DENND5A: variants seen among roughly 807,000 people sequenced by gnomAD.
DENND5A encodes the protein DENN domain containing 5A.
Under a neutral mutation model 140.3 loss-of-function variants are expected in DENND5A, and 64 were observed. The ratio of observed to expected loss-of-function variants is 0.46; its 90% CI spans 0.37 to 0.56. The LOEUF is 0.56. Among genes scored for constraint, DENND5A ranks in the 20% least tolerant of loss-of-function variants. The pLI is 0.00. For synonymous variants in DENND5A, 605 were observed against 607.7 expected (o/e 1.00, Z 0.07); for missense variants, 1,292 against 1,593.8 (o/e 0.81, Z 3.22).
At chr11:9,150,888 T>C in intron 13 of DENND5A, 124 bp from the exon 14 acceptor site, 1 of 489,892 alleles carries the variant, frequency 2.0e-6, no homozygotes, top group African/African-American at 2.0e-5. Flanking sequence ...ACACTTTAAT[T>C]GATTGTTTCA....
rs1410655270 is a variant in DENND5A at position 9,169,864 on chromosome 11, G to A, written c.2143C>T (p.Gln715Ter). The change falls in exon 10 of 23, where the codon CAG becomes TAG. Residue 715 changes from glutamine to a stop codon, truncating the protein, a stop_gained. Coordinates refer to ENST00000328194, the MANE Select transcript of DENND5A (RefSeq NM_015213.4). LOFTEE classifies it high-confidence loss of function. ...TTCTTAAGGTATCTTACCTCCCTCT[G>A]GTCATTATCTAAACGCAGGTGTTCT... ...HTEHLRLDND[Q>*]REKYIQEART... The A allele has an allele frequency of 1.2e-6, 2 of 1,603,628 alleles. No homozygotes were observed. Among genetic ancestry groups the A allele is most frequent in the Admixed American group, 3.3e-5 (2 of 59,972 alleles).
chr11:9,241,050 G>A (rs1377368593), intron 1 of DENND5A, among the ~76,000 whole-genome samples: 2 of 152,174 alleles, frequency 1.3e-5, no homozygotes, highest in Non-Finnish European at 2.9e-5. Flanking sequence ...TGTGTGTGAT[G>A]TTTGTGTATT....
intron 1 of DENND5A, among the ~76,000 whole-genome samples, chr11:9,245,805 TG>T (rs1851448338): frequency 6.6e-6 from 1 of 151,962 alleles, no homozygotes; most frequent in Non-Finnish European, 1.5e-5. Context: ...AGCTAATTTT[TG>T]TATTCTTAGT....
chr11:9,250,932 G>C (rs1030055092), intron 1 of DENND5A, among the ~76,000 whole-genome samples: 5 of 152,054 alleles, frequency 3.3e-5, no homozygotes. Context: ...TCAGGAGTTC[G>C]AGGCCAGCCC....
intron 1 of DENND5A, among the ~76,000 whole-genome samples, chr11:9,230,662 T>TC (rs770807712): frequency 6.6e-6 from 1 of 152,092 alleles, no homozygotes; most frequent in Non-Finnish European, 1.5e-5. Context: ...GGGCATCTTT[T>TC]CCATAAATCT....
At chr11:9,197,906 G>T (rs1849387201) in intron 4 of DENND5A, among the ~76,000 whole-genome samples, 2 of 152,102 alleles carry the variant, frequency 1.3e-5, no homozygotes, top group Non-Finnish European at 2.9e-5. Flanking sequence ...TACAGTAAAA[G>T]ACTACTTTAG....
At chr11:9,173,391 T>G (rs1369344198) in intron 8 of DENND5A, among the ~76,000 whole-genome samples, 1 of 152,224 alleles carries the variant, frequency 6.6e-6, no homozygotes, top group Non-Finnish European at 1.5e-5. Flanking sequence ...TCAAATCCCT[T>G]TAAAAGGTAA....
At chr11:9,163,027 T>A (rs932771477) in intron 11 of DENND5A, among the ~76,000 whole-genome samples, 1 of 152,200 alleles carries the variant, frequency 6.6e-6, no homozygotes, top group African/African-American at 2.4e-5. Context: ...TTCACTCGTT[T>A]ATATTTGTGA....
intron 11 of DENND5A, among the ~76,000 whole-genome samples, chr11:9,164,196 T>TA (rs1848106715): frequency 0.016 from 32 of 1,958 alleles, no homozygotes; most frequent in African/African-American, 0.059. Context: ...CACGCCTAAT[T>TA]TTTTTTTTTT....
At chr11:9,149,769 G>A (rs572420023) in intron 15 of DENND5A, among the ~76,000 whole-genome samples, 2 of 152,166 alleles carry the variant, frequency 1.3e-5, no homozygotes, top group Admixed American at 1.3e-4. Flanking sequence ...CAAAGGAAAC[G>A]CCTTATGTCC....
intron 3 of DENND5A, among the ~76,000 whole-genome samples, chr11:9,205,810 T>G (rs1019822003): frequency 6.6e-6 from 1 of 152,046 alleles, no homozygotes; most frequent in Non-Finnish European, 1.5e-5. Context: ...GGTGGGAGGA[T>G]CACTTGAGCT....
At chr11:9,196,862 T>C (rs1849347101) in intron 4 of DENND5A, among the ~76,000 whole-genome samples, 3 of 151,632 alleles carry the variant, frequency 2.0e-5, no homozygotes, top group Admixed American at 1.3e-4. Flanking sequence ...CTGTCCTCCT[T>C]GGCCTCTCAA....
At chr11:9,185,925 G>A in intron 5 of DENND5A, among the ~76,000 whole-genome samples, 1 of 151,876 alleles carries the variant, frequency 6.6e-6, no homozygotes. Context: ...GTATTTCTGT[G>A]TGTTGTCTCT....
At position 9,145,057 on chromosome 11, in the gene DENND5A, C is replaced by T. The variant is rs757209054; in HGVS notation, c.3060G>A (p.Leu1020=). The T allele has an allele frequency of 2.6e-5, 42 of 1,614,056 alleles. No homozygotes were observed. The South Asian group carries it at 4.4e-4, about 17-fold the overall frequency. ...TVQIGHDNSG[L]YAKWLVEYVM... ...CATACTCCACCAGCCATTTGGCATACAGCCCAGAGTTATCATGGCCAATCT... is the reference window on the plus strand; with the variant it reads ...CATACTCCACCAGCCATTTGGCATATAGCCCAGAGTTATCATGGCCAATCT... The change falls in exon 18 of 23, where the codon CTG becomes CTA. Residue 1020 remains leucine, a synonymous_variant. Transcript: ENST00000328194.
intron 1 of DENND5A, among the ~76,000 whole-genome samples, chr11:9,226,189 T>C (rs1850522388): frequency 6.6e-6 from 1 of 152,246 alleles, no homozygotes; most frequent in Non-Finnish European, 1.5e-5. Context: ...AGATTTTGAC[T>C]GGAACATGTC....
intron 21 of DENND5A, among the ~76,000 whole-genome samples, chr11:9,142,361 G>C (rs1455682252): frequency 6.6e-6 from 1 of 152,168 alleles, no homozygotes; most frequent in African/African-American, 2.4e-5. Flanking sequence ...AAATTCTGAG[G>C]ATGGTTTCTT....
Position 9,193,697 on chromosome 11 carries a change from C to T in DENND5A, c.950-16G>A. The T allele has an allele frequency of 1.3e-6, 2 of 1,584,952 alleles. No homozygotes were observed. The highest frequency in any genetic ancestry group is 1.7e-6 in the Non-Finnish European group (2 of 1,167,858). On this transcript the variant is annotated splice_polypyrimidine_tract_variant and intron_variant, in intron 4 of 22. Transcript: ENST00000328194. ...CTCTGGTAATCTGGGTCAACAACAA[C>T]AAAAAAAGCACACACACAAATCAGT...
At chr11:9,260,613 A>G (rs1373120571) in intron 1 of DENND5A, among the ~76,000 whole-genome samples, 1 of 152,164 alleles carries the variant, frequency 6.6e-6, no homozygotes, top group Non-Finnish European at 1.5e-5. Context: ...CTTTGCTCAC[A>G]TATTACCTTC....
intron 1 of DENND5A, among the ~76,000 whole-genome samples, chr11:9,239,929 C>CA (rs565408541): frequency 1.4e-4 from 22 of 152,248 alleles, no homozygotes; most frequent in African/African-American, 4.1e-4. Flanking sequence ...GGTATTTTTC[C>CA]ACATATTAAG....
Sources: gnomAD v4.1 joint callset for allele counts (sites outside exome capture counted in the v4.1 genomes callset) on GRCh38, gnomAD v4.1.1 for gene constraint, MANE v1.5 for transcripts, NCBI Gene and HGNC (gene_info 2026-07-23, HGNC 2026-07-21) for gene names.